The following SCML4 variants were observed in gnomAD, a reference collection of about 807,000 sequenced individuals.
The protein encoded by SCML4 is sex comb on midleg-like protein 4.
A neutral mutation model predicts 41.1 loss-of-function variants in SCML4; 34 were observed. The ratio of observed to expected loss-of-function variants is 0.83; its 90% CI spans 0.63 to 1.10. The LOEUF is 1.10. Ranked by LOEUF, SCML4 falls within the 50% of genes least tolerant of loss-of-function variation. The probability of loss-of-function intolerance (pLI) is 0.00; values close to 1 mark genes in which losing one functional copy is unlikely to be tolerated. For missense variants in SCML4, 522 were observed against 534.1 expected, an observed-to-expected ratio of 0.98 and a Z score of 0.22; for synonymous variants, 214 against 220.9, an observed-to-expected ratio of 0.97 and a Z score of 0.28.
chr6:107,791,306 G>C (rs753002984), intron 1 of SCML4, among the ~76,000 whole-genome samples: 1 of 152,088 alleles, frequency 6.6e-6, no homozygotes, highest in Non-Finnish European at 1.5e-5. Flanking sequence ...GATGGCAGAC[G>C]CATGCTAAGA....
At chr6:107,749,593 C>A in intron 3 of SCML4, 91 bp downstream of exon 3, 1 of 1,494,904 alleles carries the variant, frequency 6.7e-7, no homozygotes, top group Non-Finnish European at 9.2e-7. Flanking sequence ...ATCTCAGCAA[C>A]AACTCTTTAA....
chr6:107,751,350 G>A (rs1778605789), intron 2 of SCML4, among the ~76,000 whole-genome samples: 1 of 152,142 alleles, frequency 6.6e-6, no homozygotes, highest in Non-Finnish European at 1.5e-5. Context: ...CATACAGTGT[G>A]TAGGGAAAGA....
intron 1 of SCML4, among the ~76,000 whole-genome samples, chr6:107,787,748 A>C (rs565410998): frequency 1.1e-4 from 17 of 152,374 alleles, no homozygotes; most frequent in Non-Finnish European, 2.2e-4. Context: ...GCACCTTGCC[A>C]AGTAGGAATC....
intron 1 of SCML4, among the ~76,000 whole-genome samples, chr6:107,773,528 G>A (rs113406322): frequency 0.029 from 4,204 of 143,412 alleles, 206 homozygotes; most frequent in African/African-American, 0.1. Flanking sequence ...GGAGGCAGAG[G>A]TTGCAGTGAG....
At chr6:107,828,237 C>T (rs567962739), upstream of SCML4, among the ~76,000 whole-genome samples, 4 of 152,320 alleles carry the variant, frequency 2.6e-5, no homozygotes, top group South Asian at 8.3e-4. Context: ...CTCATGGATC[C>T]TGGCACTGCC....
intron 1 of SCML4, among the ~76,000 whole-genome samples, chr6:107,778,214 AAAAAAAAAATATATATATATAT>A (rs1248822978): frequency 1.5e-3 from 9 of 6,024 alleles, no homozygotes; most frequent in African/African-American, 2.5e-3. Context: ...AAAAAAAAAA[AAAAAAAAAATATATATATATAT>A]ATATATATAT....
At chr6:107,824,561 G>A (rs1256645296), upstream of SCML4, among the ~76,000 whole-genome samples, 3 of 150,874 alleles carry the variant, frequency 2.0e-5, no homozygotes, top group Non-Finnish European at 4.4e-5. Context: ...AATGTGCAGT[G>A]TAGCTTTTTG....
At chr6:107,778,529 T>G (rs951117638) in intron 1 of SCML4, among the ~76,000 whole-genome samples, 3 of 152,064 alleles carry the variant, frequency 2.0e-5, no homozygotes, top group African/African-American at 7.2e-5. Flanking sequence ...TCCGCTGGCT[T>G]CCTAAGTCTC....
upstream of SCML4, among the ~76,000 whole-genome samples, chr6:107,825,477 T>C (rs539931016): frequency 6.6e-6 from 1 of 152,396 alleles, no homozygotes; most frequent in South Asian, 2.1e-4. Flanking sequence ...AAAAAATTGT[T>C]TTAAGTCAAA....
At chr6:107,762,164 G>C (rs925059316) in intron 2 of SCML4, among the ~76,000 whole-genome samples, 1 of 152,162 alleles carries the variant, frequency 6.6e-6, no homozygotes, top group East Asian at 1.9e-4. Context: ...AGAAGCAAAA[G>C]TATGGTTAAC....
intron 1 of SCML4, among the ~76,000 whole-genome samples, chr6:107,788,782 G>T (rs114585374): frequency 6.6e-6 from 1 of 152,050 alleles, no homozygotes; most frequent in South Asian, 2.1e-4. Flanking sequence ...ACTACACACC[G>T]GTTTATTCTC....
chr6:107,726,311 A>G (rs372504344), intron 5 of SCML4, among the ~76,000 whole-genome samples: 2,447 of 152,060 alleles, frequency 0.016, 41 homozygotes, highest in East Asian at 0.038. Context: ...AGGCGGGTGG[A>G]TCATGAGGTC....
intron 2 of SCML4, among the ~76,000 whole-genome samples, chr6:107,762,819 TGTTTGTTATCTA>T (rs934309841): frequency 2.6e-5 from 4 of 152,014 alleles, no homozygotes; most frequent in African/African-American, 9.7e-5. Flanking sequence ...AAATTTCTGT[TGTTTGTTATCTA>T]GTTTGTTGTG....
chr6:107,761,521 C>T (rs1018753096), intron 2 of SCML4, among the ~76,000 whole-genome samples: 6 of 151,820 alleles, frequency 4.0e-5, no homozygotes, highest in African/African-American at 1.5e-4. Flanking sequence ...ACTGCAACCA[C>T]TGCTTCCTGG....
chr6:107,754,783 A>G (rs1357625084), intron 2 of SCML4, among the ~76,000 whole-genome samples: 3 of 152,134 alleles, frequency 2.0e-5, no homozygotes, highest in Non-Finnish European at 4.4e-5. Flanking sequence ...CCTCCTAATG[A>G]CTTTAACATC....
chr6:107,711,777 A>G (rs1229957862), intron 6 of SCML4, among the ~76,000 whole-genome samples: 1 of 152,208 alleles, frequency 6.6e-6, no homozygotes, highest in Non-Finnish European at 1.5e-5. Flanking sequence ...TCTAGTTAGA[A>G]GTTGAGAAGC....
chr6:107,766,798 G>A (rs769032905), intron 2 of SCML4, among the ~76,000 whole-genome samples: 6 of 152,112 alleles, frequency 3.9e-5, no homozygotes, highest in African/African-American at 7.2e-5. Context: ...TGTTCAACCC[G>A]AGGAAATGGC....
chr6:107,777,194 T>G (rs9373979), intron 1 of SCML4, among the ~76,000 whole-genome samples: 1 of 152,068 alleles, frequency 6.6e-6, no homozygotes, highest in Non-Finnish European at 1.5e-5. Context: ...CTCGGCTCGC[T>G]GCAACCTCCG....
chr6:107,746,666 A>AT, intron 4 of SCML4, 23 bp downstream of exon 4: 1 of 1,606,782 alleles, frequency 6.2e-7, no homozygotes. Context: ...TGGCCTCCTC[A>AT]TGCAACCTGC....
Sources: gnomAD v4.1 joint callset for allele counts (sites outside exome capture counted in the v4.1 genomes callset) on GRCh38, gnomAD v4.1.1 for gene constraint, MANE v1.5 for transcripts, NCBI Gene and HGNC (gene_info 2026-07-23, HGNC 2026-07-21) for gene names.